Variants in ENPP1 observed in about 807,000 individuals in gnomAD.
The protein encoded by ENPP1 is ectonucleotide pyrophosphatase/phosphodiesterase family member 1.
A neutral mutation model predicts 122.8 loss-of-function variants in ENPP1; 73 were observed. That is an observed-to-expected ratio of 0.59 (90% CI 0.49 to 0.72). The LOEUF is 0.72. ENPP1 is among the 30% of genes least tolerant of loss of function. The pLI is 0.00. For missense variants in ENPP1, 978 were observed against 1,128.1 expected (o/e 0.87, Z 1.91); for synonymous variants, 367 against 391.6 (o/e 0.94, Z 0.74).
intron 7 of ENPP1, among the ~76,000 whole-genome samples, chr6:131,859,353 A>G (rs1055125159): frequency 2.0e-5 from 3 of 151,992 alleles, no homozygotes; most frequent in African/African-American, 7.2e-5. Context: ...TAAAAAGACA[A>G]CAGCATTGTT....
intron 1 of ENPP1, among the ~76,000 whole-genome samples, chr6:131,815,704 C>CTT (rs547064410): frequency 7.1e-6 from 1 of 140,740 alleles, no homozygotes; most frequent in South Asian, 2.3e-4. Context: ...ATCTATCAGC[C>CTT]TTTTTTTTTT....
At chr6:131,829,346 G>A (rs1215270200) in intron 1 of ENPP1, among the ~76,000 whole-genome samples, 1 of 152,198 alleles carries the variant, frequency 6.6e-6, no homozygotes, top group Non-Finnish European at 1.5e-5. Context: ...CTATTTTCAG[G>A]ATTGGGGGAC....
intron 1 of ENPP1, among the ~76,000 whole-genome samples, chr6:131,829,703 C>T (rs1037126597): frequency 1.6e-4 from 25 of 152,144 alleles, no homozygotes; most frequent in Non-Finnish European, 2.9e-5. Flanking sequence ...TTAGGCAACC[C>T]TGAGAAGAGT....
chr6:131,826,178 T>G, intron 1 of ENPP1: 1 of 888,834 alleles, frequency 1.1e-6, no homozygotes, highest in African/African-American at 1.6e-5. Flanking sequence ...GGGGACAAAT[T>G]CATCAAGCTA....
At chr6:131,816,501 C>T (rs1368150414) in intron 1 of ENPP1, among the ~76,000 whole-genome samples, 2 of 152,086 alleles carry the variant, frequency 1.3e-5, no homozygotes, top group Non-Finnish European at 2.9e-5. Flanking sequence ...CTCGAAAATC[C>T]CTTGTCATCG....
rs755647668 is a variant in ENPP1 at position 131,860,456 on chromosome 6, T to A, written c.865T>A (p.Ser289Thr). ...MYDPKMNASF[S>T]LKSKEKFNPE... ...TGATCCCAAAATGAATGCTTCCTTT[T>A]CACTTAAAAGTAAAGAGAAATTTAA... The change falls in exon 8 of 25, where the codon TCA (serine) becomes ACA (threonine). Residue 289 changes from serine to threonine, a missense_variant. By Grantham distance (58) the Ser-to-Thr change is moderately conservative. This residue lies in a region of ENPP1 where 644 missense variants were observed against 781.5 expected (regional missense o/e 0.82). Coordinates refer to ENST00000647893, the MANE Select transcript of ENPP1 (RefSeq NM_006208.3). The A allele has an allele frequency of 8.1e-6, 13 of 1,598,276 alleles. No individual in the cohort carries two copies. In the South Asian group the frequency reaches 1.4e-4, roughly 18 times the overall value.
Position 131,890,684 on chromosome 6 carries a change from T to G in ENPP1, c.*173T>G. 1 of 638,462 alleles carries G rather than the reference T, an allele frequency of 1.6e-6. No individual in the cohort carries two copies. Among genetic ancestry groups the G allele is most frequent in the Non-Finnish European group, 2.8e-6 (1 of 359,054 alleles). The allele number at this position is 638,462 out of a possible 1,614,324, so 39.5% of individuals were successfully genotyped here. On this transcript the variant is annotated 3_prime_UTR_variant, in exon 25 of 25. Transcript: ENST00000647893. ...GCGTACTCAGCACAGCAGTGGAGAG[T>G]GTTCCTGTTGAATCTTGCACATATT...
rs1000854064 is a variant in ENPP1 at position 131,826,042 on chromosome 6, A to C, written c.240+17767A>C. The C allele has an allele frequency of 2.6e-4, 195 of 758,710 alleles. 1 individual carries two copies. The Admixed American group carries it at 3.3e-3, about 13-fold the overall frequency. 47.0% of individuals were successfully genotyped at this position (758,710 alleles called of 1,614,324 possible). ...TACAGGAAGAGGAAGAGTATTGAGC[A>C]AATTCTCTTCAACAATCAGACAGCT... On this transcript the variant is annotated intron_variant, in intron 1 of 24. Transcript: ENST00000647893.
intron 1 of ENPP1, among the ~76,000 whole-genome samples, chr6:131,821,282 G>A (rs1490996183): frequency 6.6e-6 from 1 of 152,180 alleles, no homozygotes; most frequent in African/African-American, 2.4e-5. Flanking sequence ...ACCACATCTG[G>A]AATTTCTGTA....
intron 15 of ENPP1, among the ~76,000 whole-genome samples, chr6:131,873,323 C>T (rs1269362070): frequency 6.6e-6 from 1 of 152,024 alleles, no homozygotes; most frequent in African/African-American, 2.4e-5. Flanking sequence ...ATGTGACAAC[C>T]AAAAATGTCC....
In ENPP1 at chr6:131,851,384, GA is replaced by G. The variant is rs1326756784; in HGVS notation, c.556+124del. The stretch of plus-strand genomic sequence containing the variant: ...TGGCTATTGGCCAACTATATTAGCT[GA>G]AAAAAATAATTTTAAAACTTTTTAT... On this transcript the variant is annotated intron_variant, in intron 4 of 24. Transcript: ENST00000647893. 13 of 1,302,522 alleles carry G rather than the reference GA, an allele frequency of 1.0e-5. No individual in the cohort carries two copies. The African/African-American group carries it at 1.1e-4, about 11-fold the overall frequency. The allele number at this position is 1,302,522 out of a possible 1,614,324, so 80.7% of individuals were successfully genotyped here.
At position 131,894,351 on chromosome 6, in the gene ENPP1, T is replaced by A. The variant is rs1361998541; in HGVS notation, c.*3840T>A. 6.6e-6 allele frequency: 1 copy of A among 151,698 alleles called. No individual in the cohort carries two copies. Among genetic ancestry groups the A allele is most frequent in the Non-Finnish European group, 1.5e-5 (1 of 68,326 alleles). 9.4% of individuals were successfully genotyped at this position (151,698 alleles called of 1,614,324 possible). A position where few individuals can be genotyped will look rare whatever the true frequency, so the allele number is the denominator to read the frequency against. ...CCCAGGCTAGACTGCAGTGGCATGA[T>A]CTCGGCTCACTGCAACCTCCACCTC... On this transcript the variant is annotated 3_prime_UTR_variant, in exon 25 of 25. Coordinates refer to ENST00000647893, the MANE Select transcript of ENPP1 (RefSeq NM_006208.3).
chr6:131,822,557 CT>C (rs775467074), intron 1 of ENPP1, among the ~76,000 whole-genome samples: 13 of 151,056 alleles, frequency 8.6e-5, no homozygotes, highest in Non-Finnish European at 1.9e-4. Context: ...CCCTCCAGGA[CT>C]TTTCTATGTG....
chr6:131,808,244 A>G lies in ENPP1; in HGVS notation c.209A>G (p.Lys70Arg). ...AAGGCGGCGCGCGCCCGCACTGCCA[A>G]GGACCCCAACACCTATAAAGTACTC... ...LEKAARARTA[K>R]DPNTYKVLSL... Residue 70 changes from lysine (K) to arginine (R), a missense_variant, in exon 1 of 25, where the codon AAG (lysine) becomes AGG (arginine). This residue lies in a region of ENPP1 where 330 missense variants were observed against 328.5 expected (regional missense o/e 1.00). Transcript: ENST00000647893. The G allele has an allele frequency of 4.0e-6, 6 of 1,518,404 alleles. No individual in the cohort carries two copies. The highest frequency in any genetic ancestry group is 5.3e-6 in the Non-Finnish European group (6 of 1,132,904). 94.1% of individuals were successfully genotyped at this position (1,518,404 alleles called of 1,614,324 possible).
In ENPP1 at chr6:131,852,230, A is replaced by G. The variant is rs1258386121; in HGVS notation, c.612A>G (p.Pro204=). The G allele has an allele frequency of 6.3e-7, 1 of 1,599,098 alleles. No individual in the cohort carries two copies. The highest frequency in any genetic ancestry group is 1.7e-5 in the Admixed American group (1 of 59,970). The change falls in exon 5 of 25, where the codon CCA becomes CCG. Residue 204 remains proline (P), a synonymous_variant. Transcript: ENST00000647893. ...AGAGCATTAATGAGCCACAGTGCCC[A>G]GCAGGGTAAGATTATATTCTGAGGT... ...PCESINEPQC[P]AGFETPPTLL...
At chr6:131,845,046 T>G (rs1399415531) in intron 1 of ENPP1, among the ~76,000 whole-genome samples, 6 of 93,056 alleles carry the variant, frequency 6.4e-5, no homozygotes, top group African/African-American at 4.6e-4. Context: ...CTTCATGGTT[T>G]TTTTTTTTTT....
chr6:131,854,384 G>C (rs991596766), intron 5 of ENPP1, among the ~76,000 whole-genome samples: 1 of 152,092 alleles, frequency 6.6e-6, no homozygotes, highest in African/African-American at 2.4e-5. Context: ...CTGCACGGCA[G>C]CCTGAGGAAC....
At chr6:131,809,539 C>T (rs1448977352) in intron 1 of ENPP1, among the ~76,000 whole-genome samples, 1 of 152,170 alleles carries the variant, frequency 6.6e-6, no homozygotes, top group African/African-American at 2.4e-5. Flanking sequence ...TCTATAATAA[C>T]ACAATATTGA....
chr6:131,858,868 A>G, intron 7 of ENPP1, 121 bp downstream of exon 7: 1 of 766,048 alleles, frequency 1.3e-6, no homozygotes, highest in Non-Finnish European at 2.3e-6. Context: ...TAGTTAAGTA[A>G]GGAAACCCAG....
Sources: gnomAD v4.1 joint callset for allele counts (sites outside exome capture counted in the v4.1 genomes callset) on GRCh38, gnomAD v4.1.1 for gene constraint, gnomAD v4.1.1 regional missense constraint, MANE v1.5 for transcripts, NCBI Gene and HGNC (gene_info 2026-07-23, HGNC 2026-07-21) for gene names.